Variants in CDH23 observed in about 807,000 individuals in gnomAD.
CDH23 encodes the protein cadherin-23.
CDH23 carries 189 observed loss-of-function variants against 317.1 expected under a neutral mutation model. That is an observed-to-expected ratio of 0.60 (90% confidence interval 0.53 to 0.67). The LOEUF (loss-of-function observed/expected upper bound fraction) is 0.67. CDH23 is among the 30% of genes least tolerant of loss of function. The pLI is 0.00. For synonymous variants in CDH23, 1,839 were observed against 1,876.8 expected (o/e 0.98, Z 0.52); for missense variants, 4,401 against 4,592.4 (o/e 0.96, Z 1.20).
At chr10:71,501,674 A>G (rs1853341908) in intron 3 of CDH23, among the ~76,000 whole-genome samples, 1 of 152,174 alleles carries the variant, frequency 6.6e-6, no homozygotes, top group South Asian at 2.1e-4. Context: ...CCTAAGACAA[A>G]TGAGATTATC....
At chr10:71,682,782 G>A (rs1284504864) in intron 18 of CDH23, among the ~76,000 whole-genome samples, 1 of 152,166 alleles carries the variant, frequency 6.6e-6, no homozygotes, top group Non-Finnish European at 1.5e-5. Context: ...GGCCAGGGAA[G>A]GCCCAGGGCC....
At position 71,809,896 on chromosome 10, in the gene CDH23, G is replaced by A. The variant is rs1295231647; in HGVS notation, c.8799G>A (p.Val2933=). ...YSPGYFVVDI[V]ARDLAGHNDT... is the part of the protein sequence containing the mutation. ...CCGGCTACTTCGTGGTGGACATTGT[G>A]GCCCGAGACCTGGCAGGCCACAACG... The change falls in exon 61 of 70, where the codon GTG becomes GTA. Residue 2933 remains valine, a synonymous_variant. Coordinates refer to ENST00000224721, the MANE Select transcript of CDH23 (RefSeq NM_022124.6). The A allele has an allele frequency of 6.2e-7, 1 of 1,613,400 alleles. No individual in the cohort carries two copies.
rs757212687 is a variant in CDH23 at position 71,424,376 on chromosome 10, C to A, written c.-5-15451C>A. ...CCTTTTAGAAGCTGTGATATTAACA[C>A]GCGTAAAAACAATCCAAACAGCATC... On this transcript the variant is annotated intron_variant, in intron 1 of 69. Coordinates refer to ENST00000224721, the MANE Select transcript of CDH23 (RefSeq NM_022124.6). Among the ~76,000 whole-genome samples the A allele has an allele frequency of 2.0e-5, 3 of 152,224 alleles. No individual in the cohort carries two copies. The East Asian group carries it at 5.8e-4, about 29-fold the overall frequency.
chr10:71,616,764 G>A (rs1164843654), intron 10 of CDH23, among the ~76,000 whole-genome samples: 3 of 152,160 alleles, frequency 2.0e-5, no homozygotes. Context: ...CCTCAGAGTC[G>A]AGCACAGGGT....
chr10:71,636,145 A>G (rs764404940), intron 11 of CDH23, among the ~76,000 whole-genome samples: 1 of 151,980 alleles, frequency 6.6e-6, no homozygotes, highest in Non-Finnish European at 1.5e-5. Context: ...GAGTCACAAG[A>G]GGAGGCGAGG....
At chr10:71,689,035 G>A (rs1042874410) in intron 19 of CDH23, among the ~76,000 whole-genome samples, 3 of 90,442 alleles carry the variant, frequency 3.3e-5, no homozygotes, top group Admixed American at 1.1e-4. Context: ...GGTGGAGTCA[G>A]GGGTGGTGGA....
At chr10:71,801,907 CCT>C (rs1841568309) in intron 53 of CDH23, among the ~76,000 whole-genome samples, 1 of 152,222 alleles carries the variant, frequency 6.6e-6, no homozygotes, top group African/African-American at 2.4e-5. Context: ...TGTCAGTCAA[CCT>C]CTCTGAGCCT....
intron 38 of CDH23, among the ~76,000 whole-genome samples, chr10:71,775,913 C>G (rs900074304): frequency 6.6e-6 from 1 of 152,206 alleles, no homozygotes; most frequent in Admixed American, 6.5e-5. Flanking sequence ...AGGGGCCCAG[C>G]CTTGAGCCTT....
intron 9 of CDH23, among the ~76,000 whole-genome samples, chr10:71,590,696 A>G (rs1859408049): frequency 6.6e-6 from 1 of 152,056 alleles, no homozygotes; most frequent in Admixed American, 6.6e-5. Context: ...GGATGCTTTC[A>G]GTCCTCTTTA....
In CDH23 at chr10:71,803,355, G is replaced by A. The variant is rs780640943; in HGVS notation, c.7807G>A (p.Asp2603Asn). ...GTTMLLVEVI[D>N]VNDNRPVFVR... ...CACCATGCTCCTGGTGGAGGTCATCGACGTCAATGACAACCGCCCTGTCTT... is the reference window on the plus strand; with the variant it reads ...CACCATGCTCCTGGTGGAGGTCATCAACGTCAATGACAACCGCCCTGTCTT... The change falls in exon 55 of 70, where the codon GAC becomes AAC. Residue 2603 changes from aspartate to asparagine, a missense_variant. Around this residue, in one of 3 missense-constraint regions of CDH23, gnomAD observed 1,144 missense variants for 1,138.2 expected, o/e 1.01. Transcript: ENST00000224721. 1.4e-5 allele frequency: 23 copies of A among 1,598,670 alleles called. No individual in the cohort carries two copies. The South Asian group carries it at 1.5e-4, about 10-fold the overall frequency.
intron 6 of CDH23, 56 bp downstream of exon 6, chr10:71,511,268 C>T: frequency 1.4e-6 from 2 of 1,452,082 alleles, no homozygotes; most frequent in Non-Finnish European, 1.9e-6. Flanking sequence ...CTCCCCAGAC[C>T]ACCATGGTGT....
intron 38 of CDH23, among the ~76,000 whole-genome samples, chr10:71,762,399 C>T (rs929981708): frequency 4.6e-5 from 7 of 152,224 alleles, no homozygotes; most frequent in South Asian, 2.1e-4. Context: ...TGTCCTTGGC[C>T]GCTCTGTAGG....
Position 71,615,587 on chromosome 10 carries a change from T to A in CDH23, c.916T>A (p.Tyr306Asn). The A allele has an allele frequency of 6.2e-7, 1 of 1,613,954 alleles. No homozygotes were observed. The highest frequency in any genetic ancestry group is 8.5e-7 in the Non-Finnish European group (1 of 1,179,832). Residue 306 changes from tyrosine to asparagine, a missense_variant, in exon 10 of 70, where the codon TAC becomes AAC. This residue lies in a region of CDH23 where 3,068 missense variants were observed against 3,203.3 expected (regional missense o/e 0.96). Transcript: ENST00000224721. ...CCTGCTGGACCGGGAGAACCCCCTGTACAGCCATGGCTTCATCCTGACTGT... is the reference window on the plus strand; with the variant it reads ...CCTGCTGGACCGGGAGAACCCCCTGAACAGCCATGGCTTCATCCTGACTGT... ...NGLLDRENPL[Y>N]SHGFILTVKG...
chr10:71,559,795 C>T (rs974903061), intron 6 of CDH23, among the ~76,000 whole-genome samples: 21 of 152,250 alleles, frequency 1.4e-4, no homozygotes, highest in African/African-American at 5.1e-4. Flanking sequence ...AGATCCAGTA[C>T]ATTTCACCCA....
intron 48 of CDH23, among the ~76,000 whole-genome samples, chr10:71,794,339 G>C (rs1228156994): frequency 1.3e-5 from 2 of 152,216 alleles, no homozygotes; most frequent in Non-Finnish European, 2.9e-5. Context: ...TTACTAACTA[G>C]GTGGCTGAAC....
intron 9 of CDH23, among the ~76,000 whole-genome samples, chr10:71,579,902 G>T (rs1858505556): frequency 6.6e-6 from 1 of 152,254 alleles, no homozygotes; most frequent in Admixed American, 6.5e-5. Flanking sequence ...CAGAGCGGCA[G>T]CAGGAAGGGG....
chr10:71,725,913 TG>T (rs1213975407), intron 30 of CDH23, among the ~76,000 whole-genome samples: 2 of 151,206 alleles, frequency 1.3e-5, no homozygotes, highest in Non-Finnish European at 3.0e-5. Context: ...AAGTTGCTAG[TG>T]ATAGAATCAG....
At chr10:71,795,794 G>T in intron 48 of CDH23, 1 of 984,166 alleles carries the variant, frequency 1.0e-6, no homozygotes, top group Non-Finnish European at 1.2e-6. Flanking sequence ...TGAACTAACT[G>T]ATGTTAACCC....
intron 21 of CDH23, 35 bp downstream of exon 21, chr10:71,694,294 C>T (rs753482345): frequency 3.3e-6 from 5 of 1,531,802 alleles, no homozygotes; most frequent in Admixed American, 1.7e-5. Context: ...CCAGCTCCCC[C>T]TCGCCGGCCA....
Sources: allele counts gnomAD v4.1 joint callset (sites outside exome capture counted in the v4.1 genomes callset), GRCh38; gene constraint gnomAD v4.1.1; regional missense constraint gnomAD v4.1.1; transcripts MANE v1.5; gene names NCBI Gene and HGNC (gene_info 2026-07-23, HGNC 2026-07-21).